The following GUCA1C variants were observed in gnomAD, a reference collection of about 807,000 sequenced individuals.
GUCA1C encodes the protein guanylyl cyclase-activating protein 3.
A neutral mutation model predicts 16.2 loss-of-function variants in GUCA1C; 15 were observed. The observed-to-expected ratio is 0.93, with a 90% CI of 0.62 to 1.43. The LOEUF is 1.43. Ranked by LOEUF, GUCA1C falls within the 40% of genes most tolerant of loss-of-function variation. The pLI, the probability that GUCA1C is intolerant of heterozygous loss-of-function variation, is 0.00. For missense variants in GUCA1C, 275 were observed against 244.8 expected (o/e 1.12, Z -0.82); for synonymous variants, 78 against 85.4 (o/e 0.91, Z 0.48).
intron 1 of GUCA1C, among the ~76,000 whole-genome samples, chr3:108,949,448 G>C (rs902976713): frequency 1.3e-5 from 2 of 152,162 alleles, no homozygotes; most frequent in Non-Finnish European, 2.9e-5. Flanking sequence ...TGTAGACAGA[G>C]GACTCTCCTG....
At position 108,907,873 on chromosome 3, in the gene GUCA1C, C is replaced by A. The variant is rs1314294452; in HGVS notation, c.*149G>T. 3.3e-6 allele frequency: 2 copies of A among 602,648 alleles called. No homozygotes were observed. Among genetic ancestry groups the A allele is most frequent in the African/African-American group, 1.9e-5 (1 of 53,702 alleles). The allele number at this position is 602,648 out of a possible 1,614,324, so 37.3% of individuals were successfully genotyped here. On this transcript the variant is annotated 3_prime_UTR_variant, in exon 4 of 4. Coordinates refer to ENST00000261047, the MANE Select transcript of GUCA1C (RefSeq NM_005459.4). ...ATCTGTTTAGGATCTTTATGCAAGT[C>A]TCTACTGGATTAAAATAAGTGCTAT...
At chr3:108,944,977 G>C (rs1946829448) in intron 1 of GUCA1C, among the ~76,000 whole-genome samples, 1 of 152,226 alleles carries the variant, frequency 6.6e-6, no homozygotes, top group African/African-American at 2.4e-5. Context: ...CTGAAGTGCA[G>C]AGCACAGGAT....
upstream of GUCA1C, among the ~76,000 whole-genome samples, chr3:108,954,735 C>CT (rs35104093): frequency 4.2e-3 from 545 of 129,296 alleles, 1 homozygote; most frequent in East Asian, 6.2e-3. Flanking sequence ...TATAGTTCTC[C>CT]TTTTTTTTTT....
chr3:108,949,783 A>T (rs1365919733), intron 1 of GUCA1C, among the ~76,000 whole-genome samples: 1 of 152,162 alleles, frequency 6.6e-6, no homozygotes, highest in Non-Finnish European at 1.5e-5. Context: ...AAAATTATAT[A>T]TATTTATGGT....
intron 1 of GUCA1C, among the ~76,000 whole-genome samples, chr3:108,932,773 T>G (rs545458416): frequency 6.6e-6 from 1 of 151,934 alleles, no homozygotes; most frequent in South Asian, 2.1e-4. Flanking sequence ...CATACAGAAT[T>G]AGCCGGGCGT....
At chr3:108,921,487 T>C (rs887638527) in intron 1 of GUCA1C, among the ~76,000 whole-genome samples, 2 of 152,048 alleles carry the variant, frequency 1.3e-5, no homozygotes, top group Admixed American at 1.3e-4. Flanking sequence ...TATGTAGGAG[T>C]ATGTTTAGTT....
At chr3:108,924,193 A>T (rs1946597548) in intron 1 of GUCA1C, among the ~76,000 whole-genome samples, 1 of 152,212 alleles carries the variant, frequency 6.6e-6, no homozygotes, top group African/African-American at 2.4e-5. Context: ...TAAGTTGAAC[A>T]GAAGTGGTGA....
chr3:108,912,533 A>G (rs1576543125), intron 3 of GUCA1C, among the ~76,000 whole-genome samples: 2 of 152,158 alleles, frequency 1.3e-5, no homozygotes, highest in East Asian at 3.9e-4. Context: ...TAACAATAAT[A>G]TGTCCTCATG....
chr3:108,936,467 AT>A (rs1416415006), intron 1 of GUCA1C, among the ~76,000 whole-genome samples: 4 of 152,194 alleles, frequency 2.6e-5, no homozygotes, highest in African/African-American at 9.6e-5. Context: ...AATAAAACTG[AT>A]TTTCAGAGAA....
rs776437018 is a variant in GUCA1C at position 108,916,153 on chromosome 3, A to T, written c.416T>A (p.Phe139Tyr). 1 of 1,613,192 alleles carries T rather than the reference A, an allele frequency of 6.2e-7. No homozygotes were observed. Among genetic ancestry groups the T allele is most frequent in the African/African-American group, 1.3e-5 (1 of 74,892 alleles). The part of the protein sequence containing the change: ...LSPEEFINLV[F>Y]HKIDINNDGE... ...ATCATTGTTTATATCGATCTTATGG[A>T]ACACCAAGTTGATGAATTCTTCAGG... Residue 139 changes from phenylalanine to tyrosine, a missense_variant, in exon 3 of 4, where the codon TTC becomes TAC. Phe to Tyr is a conservative substitution (Grantham distance 22, BLOSUM62 3). Transcript: ENST00000261047.
At chr3:108,946,672 T>A (rs781552703) in intron 1 of GUCA1C, among the ~76,000 whole-genome samples, 1 of 152,104 alleles carries the variant, frequency 6.6e-6, no homozygotes, top group Non-Finnish European at 1.5e-5. Flanking sequence ...ATATGAAGAA[T>A]CAAAAGCAAG....
intron 1 of GUCA1C, among the ~76,000 whole-genome samples, chr3:108,949,950 CAT>C (rs1356894033): frequency 6.6e-6 from 1 of 152,082 alleles, no homozygotes; most frequent in African/African-American, 2.4e-5. Flanking sequence ...TTTTATTAAC[CAT>C]AGTCACCATG....
At chr3:108,935,877 T>C (rs1946722459) in intron 1 of GUCA1C, among the ~76,000 whole-genome samples, 1 of 152,084 alleles carries the variant, frequency 6.6e-6, no homozygotes, top group Non-Finnish European at 1.5e-5. Flanking sequence ...AGAAGTGGAA[T>C]ATATGGTCTT....
intron 3 of GUCA1C, among the ~76,000 whole-genome samples, chr3:108,914,066 A>AAAT (rs1297123200): frequency 6.6e-6 from 1 of 152,202 alleles, no homozygotes; most frequent in Non-Finnish European, 1.5e-5. Context: ...ACTCCATTTT[A>AAAT]AATAATAATA....
chr3:108,947,382 T>A (rs1465263375), intron 1 of GUCA1C, among the ~76,000 whole-genome samples: 1 of 152,130 alleles, frequency 6.6e-6, no homozygotes, highest in Non-Finnish European at 1.5e-5. Flanking sequence ...GGTTTTGCTG[T>A]CTCAGGGGTG....
At chr3:108,915,664 G>A (rs1286571641) in intron 3 of GUCA1C, among the ~76,000 whole-genome samples, 1 of 152,122 alleles carries the variant, frequency 6.6e-6, no homozygotes. Context: ...CTCCAGAAAT[G>A]TTTAGTCCAA....
At chr3:108,919,196 T>C (rs942130371) in intron 2 of GUCA1C, among the ~76,000 whole-genome samples, 6 of 150,180 alleles carry the variant, frequency 4.0e-5, no homozygotes, top group African/African-American at 1.5e-4. Context: ...GTTCTGTGCT[T>C]TTATTATTTC....
chr3:108,910,860 C>T (rs2107271608), intron 3 of GUCA1C, among the ~76,000 whole-genome samples: 1 of 152,146 alleles, frequency 6.6e-6, no homozygotes, highest in South Asian at 2.1e-4. Flanking sequence ...CCATGTTAGC[C>T]AGGATGGTCT....
chr3:108,911,902 T>C (rs1315938081), intron 3 of GUCA1C, among the ~76,000 whole-genome samples: 1 of 151,928 alleles, frequency 6.6e-6, no homozygotes, highest in Non-Finnish European at 1.5e-5. Context: ...GGTCAGGAGA[T>C]TGAGACCAGC....
Sources: gnomAD v4.1 joint callset for allele counts (sites outside exome capture counted in the v4.1 genomes callset) on GRCh38, gnomAD v4.1.1 for gene constraint, MANE v1.5 for transcripts, NCBI Gene and HGNC (gene_info 2026-07-23, HGNC 2026-07-21) for gene names.